The following SLC67A2 variants were observed in gnomAD, a reference collection of about 807,000 sequenced individuals.
SLC67A2 encodes the protein solute carrier family 67 member A2.
chr2:102,723,649 A>G, the SLC67A2 span: 4,427 of 1,527,584 alleles, frequency 2.9e-3, 111 homozygotes, highest in African/African-American at 0.054. Context: ...AAAGTAGGTA[A>G]ATTGGTCAGT....
chr2:102,736,601 C>T, the SLC67A2 span: 3 of 1,613,442 alleles, frequency 1.9e-6, no homozygotes, highest in Admixed American at 3.3e-5. Flanking sequence ...TCCCCAGGCC[C>T]GAACACAGTC....
the SLC67A2 span, chr2:102,736,811 AC>A: frequency 6.3e-7 from 1 of 1,596,950 alleles, no homozygotes; most frequent in Admixed American, 1.7e-5. Flanking sequence ...CAAGCTCCAT[AC>A]CCGCGCCGGC....
the SLC67A2 span, among the ~76,000 whole-genome samples, chr2:102,725,709 T>TG: frequency 2.0e-5 from 3 of 152,042 alleles, no homozygotes; most frequent in Non-Finnish European, 4.4e-5. Context: ...TTAAGAATGT[T>TG]GGGGGGGCTG....
chr2:102,718,213 T>A, the SLC67A2 span: 1 of 605,224 alleles, frequency 1.7e-6, no homozygotes, highest in Non-Finnish European at 2.9e-6. Context: ...TGCTCCAGTC[T>A]TAACCTTCCC....
chr2:102,726,984 G>A, the SLC67A2 span: 1 of 1,610,994 alleles, frequency 6.2e-7, no homozygotes, highest in Non-Finnish European at 8.5e-7. Flanking sequence ...CCTGAGGAAA[G>A]TAAGAAAAAG....
chr2:102,722,255 A>C, the SLC67A2 span, among the ~76,000 whole-genome samples: 1 of 152,256 alleles, frequency 6.6e-6, no homozygotes, highest in Non-Finnish European at 1.5e-5. Context: ...TGTGGGATGA[A>C]TGTGGCAGGT....
the SLC67A2 span, among the ~76,000 whole-genome samples, chr2:102,719,963 G>A: frequency 2.0e-5 from 3 of 152,202 alleles, no homozygotes; most frequent in African/African-American, 2.4e-5. Context: ...ACAACCTTAC[G>A]CAGTGGCTCT....
chr2:102,725,064 G>A, the SLC67A2 span, among the ~76,000 whole-genome samples: 2 of 152,164 alleles, frequency 1.3e-5, no homozygotes, highest in Non-Finnish European at 2.9e-5. Context: ...AGTATCCCGT[G>A]AACAACCCAG....
At chr2:102,726,816 GA>G in the SLC67A2 span, 55,632 of 1,268,850 alleles carry the variant, frequency 0.044, 28 homozygotes, top group African/African-American at 0.075. Context: ...AGCTACGTTT[GA>G]AAAAAAAAAA....
the SLC67A2 span, among the ~76,000 whole-genome samples, chr2:102,720,610 T>G: frequency 3.3e-5 from 5 of 152,292 alleles, 1 homozygote; most frequent in East Asian, 9.6e-4. Flanking sequence ...CAGAACCTCT[T>G]ACAGTTCTCA....
the SLC67A2 span, chr2:102,726,748 G>C: frequency 2.0e-6 from 3 of 1,477,850 alleles, no homozygotes; most frequent in Non-Finnish European, 2.7e-6. Context: ...TGTTGAGCAA[G>C]ACCACAGAGG....
the SLC67A2 span, chr2:102,736,813 C>T: frequency 6.3e-7 from 1 of 1,597,748 alleles, no homozygotes; most frequent in African/African-American, 1.3e-5. Flanking sequence ...AGCTCCATAC[C>T]CGCGCCGGCC....
chr2:102,716,605 A>G, the SLC67A2 span: 1 of 152,254 alleles, frequency 6.6e-6, no homozygotes. Flanking sequence ...ATTATTTATC[A>G]TAAATATTTG....
At chr2:102,718,461 G>A in the SLC67A2 span, 1 of 1,614,152 alleles carries the variant, frequency 6.2e-7, no homozygotes, top group Non-Finnish European at 8.5e-7. Flanking sequence ...CCACTAGAGT[G>A]TCGCTTGTTT....
At chr2:102,726,642 G>A in the SLC67A2 span, among the ~76,000 whole-genome samples, 1 of 151,668 alleles carries the variant, frequency 6.6e-6, no homozygotes, top group African/African-American at 2.4e-5. Flanking sequence ...ACACACACAG[G>A]CCAGCATTTC....
At chr2:102,719,286 T>C in the SLC67A2 span, 1 of 1,400,336 alleles carries the variant, frequency 7.1e-7, no homozygotes, top group Non-Finnish European at 9.8e-7. Context: ...AAGGGCCAAT[T>C]ATTTGTGTTA....
chr2:102,718,611 T>C, the SLC67A2 span: 1 of 1,612,846 alleles, frequency 6.2e-7, no homozygotes. Flanking sequence ...CCCACGCCAA[T>C]AAGGGTGCCG....
At chr2:102,722,380 T>C in the SLC67A2 span, among the ~76,000 whole-genome samples, 5 of 152,190 alleles carry the variant, frequency 3.3e-5, no homozygotes, top group Non-Finnish European at 7.3e-5. Flanking sequence ...AGGGGCAGGG[T>C]CTGCCCATCA....
the SLC67A2 span, chr2:102,736,694 G>C: frequency 4.3e-6 from 7 of 1,611,976 alleles, no homozygotes; most frequent in African/African-American, 6.7e-5. Flanking sequence ...GGGCTCCGAC[G>C]GCACCGGAGT....
Sources: allele counts gnomAD v4.1 joint callset (sites outside exome capture counted in the v4.1 genomes callset), GRCh38; gene constraint gnomAD v4.1.1; transcripts MANE v1.5; gene names NCBI Gene and HGNC (gene_info 2026-07-23, HGNC 2026-07-21).